PPP1R3F: variants seen among roughly 807,000 people sequenced by gnomAD.
The protein encoded by PPP1R3F is protein phosphatase 1 regulatory subunit 3F.
PPP1R3F carries 29 observed loss-of-function variants against 24.2 expected under a neutral mutation model. The ratio of observed to expected loss-of-function variants is 1.20; its 90% CI spans 0.89 to 1.63. The LOEUF (loss-of-function observed/expected upper bound fraction) is 1.63. Ranked by LOEUF, PPP1R3F falls within the 40% of genes most tolerant of loss-of-function variation. The pLI is 0.00. For missense variants in PPP1R3F, 823 were observed against 729.3 expected (o/e 1.13, Z -1.48); for synonymous variants, 363 against 340.1 (o/e 1.07, Z -0.74).
intron 1 of PPP1R3F, among the ~76,000 whole-genome samples, chrX:49,279,598 C>A (rs1421091026): frequency 1.4e-4 from 16 of 111,793 alleles, no homozygotes; most frequent in Non-Finnish European, 5.6e-5. Context: ...GCAGGAGAAT[C>A]ACTTGAACCT....
At chrX:49,274,893 G>A (rs1410491041) in intron 1 of PPP1R3F, 3 of 111,320 alleles carry the variant, frequency 2.7e-5, no homozygotes, top group Non-Finnish European at 5.7e-5. Context: ...ATGACGAGGA[G>A]TCCCTTCTTG....
At chrX:49,292,826 G>A (rs2066312793), downstream of PPP1R3F, among the ~76,000 whole-genome samples, 1 of 112,234 alleles carries the variant, frequency 8.9e-6, no homozygotes, top group Non-Finnish European at 1.9e-5. Context: ...CTCCTCACCT[G>A]TGCAATGGGC....
intron 1 of PPP1R3F, among the ~76,000 whole-genome samples, chrX:49,272,325 G>C (rs1254311032): frequency 2.7e-5 from 3 of 112,343 alleles, no homozygotes; most frequent in African/African-American, 9.7e-5. Flanking sequence ...TAAGAGTGTG[G>C]ATTCTGGCAT....
chrX:49,295,074 C>G lies in PPP1R3F; in HGVS notation c.393-6277C>G, dbSNP rs782763539. 1.2e-4 allele frequency among the ~76,000 whole-genome samples: 13 copies of G among 109,126 alleles called. No homozygotes were observed. In the South Asian group the frequency reaches 4.7e-3, roughly 40 times the overall value. The allele number at this position is 109,126 out of a possible 115,157, so 94.8% of individuals were successfully genotyped here. A position where few individuals can be genotyped will look rare whatever the true frequency, so the allele number is the denominator to read the frequency against. ...GAAGCTTTTTCTGCATGACATGATA[C>G]GATTATGTGGTTCAGTTACTTTCGA... On this transcript the variant is annotated intron_variant, in intron 3 of 3. Coordinates refer to the PPP1R3F transcript ENST00000471261.
chrX:49,286,424 G>A lies in PPP1R3F; in HGVS notation c.1734G>A (p.Glu578=), dbSNP rs1216559427. The A allele has an allele frequency of 1.7e-6, 2 of 1,190,173 alleles. No homozygotes were observed. The highest frequency in any genetic ancestry group is 3.5e-5 in the African/African-American group (2 of 56,999). ...CCGAAGACCCTGATGATGAAGGGGA[G>A]GGTGAAGAGGGGCTCTCTGTCACAC... is the stretch of plus-strand genomic sequence containing the variant. ...KDTEDPDDEG[E]GEEGLSVTPS... is the part of the protein sequence containing the mutation. The change falls in exon 4 of 4, where the codon GAG becomes GAA. Residue 578 remains glutamate (E), a synonymous_variant. Transcript: ENST00000055335.
intron 1 of PPP1R3F, chrX:49,273,018 G>A (rs914013880): frequency 9.3e-6 from 1 of 107,154 alleles, no homozygotes; most frequent in Non-Finnish European, 1.9e-5. Flanking sequence ...CCAGCATGTC[G>A]TGCTTTCCTT....
At chrX:49,278,905 C>T (rs1040372625) in intron 1 of PPP1R3F, among the ~76,000 whole-genome samples, 1 of 112,422 alleles carries the variant, frequency 8.9e-6, no homozygotes, top group Admixed American at 9.4e-5. Context: ...TGGGTAAGAC[C>T]CCAGTCTCCC....
Position 49,281,464 on chromosome X carries a change from A to G in PPP1R3F, c.1060+3A>G. 1 of 1,193,897 alleles carries G rather than the reference A, an allele frequency of 8.4e-7. No homozygotes were observed. The highest frequency in any genetic ancestry group is 1.1e-6 in the Non-Finnish European group (1 of 880,148). Reference sequence around the variant, plus strand: ...GGATGATAACACCTTTGCCATGGGTAAGCAATTGGCAAGCTTCGGAAGTTT... The same window carrying G: ...GGATGATAACACCTTTGCCATGGGTGAGCAATTGGCAAGCTTCGGAAGTTT... On this transcript the variant is annotated splice_donor_region_variant and intron_variant, in intron 2 of 3. Transcript: ENST00000055335.
At position 49,270,463 on chromosome X, in the gene PPP1R3F, C is replaced by T. The variant is rs782139034; in HGVS notation, c.594C>T (p.Tyr198=). The T allele has an allele frequency of 1.2e-5, 14 of 1,199,646 alleles. No homozygotes were observed. In the East Asian group the frequency reaches 3.0e-4, roughly 25 times the overall value. The part of the protein sequence containing the change: ...WASFCDHPAR[Y]VPRSPPWAGA... ...CCTTTTGCGACCACCCAGCGCGCTA[C>T]GTCCCGCGCAGCCCGCCGTGGGCAG... The change falls in exon 1 of 4, where the codon TAC becomes TAT. Residue 198 remains tyrosine, a synonymous_variant. Transcript: ENST00000055335.
At chrX:49,300,477 G>GTTTTTT (rs35140303) in intron 3 of PPP1R3F, among the ~76,000 whole-genome samples, 3 of 70,382 alleles carry the variant, frequency 4.3e-5, no homozygotes, top group Non-Finnish European at 7.2e-5. Flanking sequence ...TATTGCTGCT[G>GTTTTTT]TTTTTTTTTT....
At chrX:49,276,356 T>C (rs1359952663) in intron 1 of PPP1R3F, among the ~76,000 whole-genome samples, 4 of 112,505 alleles carry the variant, frequency 3.6e-5, no homozygotes, top group Non-Finnish European at 7.5e-5. Flanking sequence ...TATTATCCCC[T>C]CCTTAGAGAT....
rs782318537 is a variant in PPP1R3F, at chrX:49,276,100, C to G, written c.1004+5227C>G. Among the ~76,000 whole-genome samples, 4 of 112,690 alleles carry G rather than the reference C, an allele frequency of 3.5e-5. No individual in the cohort carries two copies. The Admixed American group carries it at 3.7e-4, about 10-fold the overall frequency. ...ATGGTTAAGGACATGGGCCTGAGGC[C>G]ACGTGCTAAGAAAGTGGCAGAGCTG... is the stretch of plus-strand genomic sequence containing the variant. On this transcript the variant is annotated intron_variant, in intron 1 of 3. Transcript: ENST00000055335.
At chrX:49,282,717 G>A (rs1231293509) in intron 3 of PPP1R3F, among the ~76,000 whole-genome samples, 1 of 106,127 alleles carries the variant, frequency 9.4e-6, no homozygotes, top group African/African-American at 3.8e-5. Flanking sequence ...CGAGGGAGGG[G>A]GAGAGTGGTG....
rs1557121489 is a variant in PPP1R3F at position 49,286,233 on chromosome X, T to A, written c.1543T>A (p.Ser515Thr). The change falls in exon 4 of 4, where the codon TCC becomes ACC. Residue 515 changes from serine to threonine, a missense_variant. Physicochemically the swap from Ser to Thr is moderately conservative, Grantham distance 58. Coordinates refer to ENST00000055335, the MANE Select transcript of PPP1R3F (RefSeq NM_033215.5). ...AGGAGGGGEG[S>T]TDGGMSPSHP... is the part of the protein sequence containing the mutation. ...TGGGGCAGGGGGTGGTGGGGAGGGCTCCACAGATGGAGGGATGTCCCCCAG... is the reference window on the plus strand; with the variant it reads ...TGGGGCAGGGGGTGGTGGGGAGGGCACCACAGATGGAGGGATGTCCCCCAG... 1.7e-6 allele frequency: 2 copies of A among 1,209,424 alleles called. No homozygotes were observed. Among genetic ancestry groups the A allele is most frequent in the Non-Finnish European group, 2.2e-6 (2 of 894,682 alleles).
intron 1 of PPP1R3F, among the ~76,000 whole-genome samples, chrX:49,278,251 G>A (rs1186988462): frequency 1.8e-5 from 2 of 112,155 alleles, no homozygotes; most frequent in African/African-American, 6.5e-5. Context: ...TAGGCCAGAT[G>A]GAGGAGAAGG....
intron 1 of PPP1R3F, among the ~76,000 whole-genome samples, chrX:49,279,340 C>G (rs782321918): frequency 1.8e-5 from 2 of 112,149 alleles, no homozygotes; most frequent in South Asian, 7.4e-4. Context: ...ATGTATGGGT[C>G]AGATGGTGAT....
At chrX:49,299,539 T>G (rs1557123135) in intron 3 of PPP1R3F, among the ~76,000 whole-genome samples, 1 of 112,185 alleles carries the variant, frequency 8.9e-6, no homozygotes, top group Non-Finnish European at 1.9e-5. Context: ...TTGAGCGCTG[T>G]GCTGGGAGAT....
intron 1 of PPP1R3F, chrX:49,273,654 G>A (rs1423418742): frequency 2.7e-5 from 3 of 112,430 alleles, no homozygotes; most frequent in African/African-American, 9.8e-5. Flanking sequence ...CAGCACTGTT[G>A]AAGACTAGCC....
chrX:49,296,348 G>A (rs1460151621), intron 3 of PPP1R3F, among the ~76,000 whole-genome samples: 2 of 111,608 alleles, frequency 1.8e-5, no homozygotes, highest in African/African-American at 6.5e-5. Flanking sequence ...GTATTTCTGT[G>A]GGATCAGTGC....
Sources: allele counts gnomAD v4.1 joint callset (sites outside exome capture counted in the v4.1 genomes callset), GRCh38; gene constraint gnomAD v4.1.1; transcripts MANE v1.5; gene names NCBI Gene and HGNC (gene_info 2026-07-23, HGNC 2026-07-21).